The following DOP1B variants were observed in gnomAD, a reference collection of about 807,000 sequenced individuals.
The protein encoded by DOP1B is DOP1 leucine zipper like protein B.
DOP1B carries 174 observed loss-of-function variants against 233.5 expected under a neutral mutation model. The observed-to-expected ratio is 0.75, with a 90% CI of 0.66 to 0.85. The LOEUF is 0.85. Among genes scored for constraint, DOP1B ranks in the 40% least tolerant of loss-of-function variants. DOP1B has a pLI of 0.00. For synonymous variants in DOP1B, 1,190 were observed against 1,185.6 expected (o/e 1.00, Z -0.08); for missense variants, 2,652 against 2,846.6 (o/e 0.93, Z 1.56).
chr21:36,227,937 G>A lies in DOP1B; in HGVS notation c.1665+60G>A. The stretch of plus-strand genomic sequence containing the variant: ...GCTAAAAGCAGCTTATGCCTTCCTG[G>A]GAGTAGAAAGTCTTTAGGGTTGGTT... On this transcript the variant is annotated intron_variant, in intron 13 of 36. Transcript: ENST00000691173. The A allele has an allele frequency of 2.1e-6, 3 of 1,440,454 alleles. No individual in the cohort carries two copies. The South Asian group carries it at 4.3e-5, about 21-fold the overall frequency. The allele number at this position is 1,440,454 out of a possible 1,614,324, so 89.2% of individuals were successfully genotyped here.
At chr21:36,243,136 C>G (rs530083580) in intron 18 of DOP1B, among the ~76,000 whole-genome samples, 1 of 152,092 alleles carries the variant, frequency 6.6e-6, no homozygotes, top group African/African-American at 2.4e-5. Context: ...CGCGCCGCCA[C>G]GCCCAGCTAA....
At chr21:36,214,751 G>A (rs60505633) in intron 9 of DOP1B, among the ~76,000 whole-genome samples, 195 bp downstream of exon 9, 10,917 of 152,192 alleles carry the variant, frequency 0.072, 535 homozygotes, top group African/African-American at 0.13. Flanking sequence ...ATGGCTGGGC[G>A]CAGTGGCTCA....
chr21:36,246,319 G>T lies in DOP1B; in HGVS notation c.4339G>T (p.Val1447Leu). The change falls in exon 19 of 37, where the codon GTG (valine) becomes TTG (leucine). Residue 1447 changes from valine to leucine, a missense_variant. Transcript: ENST00000691173. The surrounding 1 kb of genome is among the most constrained non-coding windows in gnomAD (Gnocchi z 5.1). ...LQIELLKLLQ[V>L]LIVLEHHLGR... Reference sequence around the variant, plus strand: ...GATTGAGCTGCTGAAGCTGCTGCAGGTGCTGATTGTCTTGGAACACCACCT... The same window carrying T: ...GATTGAGCTGCTGAAGCTGCTGCAGTTGCTGATTGTCTTGGAACACCACCT... The T allele has an allele frequency of 1.2e-6, 2 of 1,613,912 alleles. No homozygotes were observed. Among genetic ancestry groups the T allele is most frequent in the Admixed American group, 3.3e-5 (2 of 60,004 alleles).
intron 18 of DOP1B, among the ~76,000 whole-genome samples, chr21:36,242,596 A>G (rs991193366): frequency 2.6e-5 from 4 of 152,108 alleles, no homozygotes; most frequent in African/African-American, 9.7e-5. Context: ...TACAGGCATG[A>G]GCTACTACGC....
intron 26 of DOP1B, among the ~76,000 whole-genome samples, chr21:36,268,128 A>G (rs1386807589): frequency 6.6e-6 from 1 of 152,144 alleles, no homozygotes; most frequent in Admixed American, 6.6e-5. Context: ...TCCCCACTCT[A>G]GTAAGCCTGA....
In DOP1B at chr21:36,245,523, G is replaced by A. The variant is rs529698758; in HGVS notation, c.3543G>A (p.Val1181=). 85 of 1,613,552 alleles carry A rather than the reference G, an allele frequency of 5.3e-5. 1 individual carries two copies. In the Admixed American group the frequency reaches 1.0e-3, roughly 19 times the overall value. ...GGGCCAAGTTAAGCCTGGTGCGGGT[G>A]GACTCGGACAAGACGCAGGCTTCTG... ...KAGAKLSLVR[V]DSDKTQASES... Residue 1181 remains valine, a synonymous_variant, in exon 19 of 37, where the codon GTG becomes GTA. Coordinates refer to ENST00000691173, the MANE Select transcript of DOP1B (RefSeq NM_001320714.2). This position sits in a 1 kb window ranked among gnomAD's most constrained non-coding sequence, Gnocchi z 5.5.
chr21:36,217,908 T>C (rs961891111), intron 9 of DOP1B, among the ~76,000 whole-genome samples: 1 of 152,238 alleles, frequency 6.6e-6, no homozygotes, highest in African/African-American at 2.4e-5. Flanking sequence ...GTCAAAGCCA[T>C]GCACCTTGGT....
At chr21:36,270,635 C>T (rs2067277980) in intron 27 of DOP1B, among the ~76,000 whole-genome samples, 1 of 143,490 alleles carries the variant, frequency 7.0e-6, no homozygotes, top group African/African-American at 2.6e-5. Flanking sequence ...ACTTTGAGGC[C>T]AGGCATGGTG....
At chr21:36,249,485 G>T (rs2067009057) in intron 21 of DOP1B, among the ~76,000 whole-genome samples, 1 of 152,136 alleles carries the variant, frequency 6.6e-6, no homozygotes, top group African/African-American at 2.4e-5. Flanking sequence ...ACCTCTAAAT[G>T]ATCTAGAGAC....
chr21:36,281,483 A>T lies in DOP1B; in HGVS notation c.6032A>T (p.Asn2011Ile), dbSNP rs760191495. The T allele has an allele frequency of 1.9e-6, 3 of 1,591,616 alleles. No individual in the cohort carries two copies. The East Asian group carries it at 6.8e-5, about 36-fold the overall frequency. The change falls in exon 32 of 37, where the codon AAC becomes ATC. Residue 2011 changes from asparagine to isoleucine, a missense_variant and splice_region_variant. Asn to Ile is a moderately radical substitution (Grantham distance 149, BLOSUM62 -3). Around this residue, in one of 3 missense-constraint regions of DOP1B, gnomAD observed 2,617 missense variants for 2,794.3 expected, o/e 0.94. Transcript: ENST00000691173. Reference protein sequence around the residue: ...HEKTMFKDLMNMQSSSLKLFS... With the variant: ...HEKTMFKDLMIMQSSSLKLFS... Reference sequence around the variant, plus strand: ...TAAAACATTGCTGTATTTATTCTAGACATGCAGAGCAGTTCTTTGAAACTA... The same window carrying T: ...TAAAACATTGCTGTATTTATTCTAGTCATGCAGAGCAGTTCTTTGAAACTA...
intron 2 of DOP1B, chr21:36,170,066 T>C (rs2065958343): frequency 2.9e-5 from 20 of 698,626 alleles, no homozygotes; most frequent in South Asian, 2.8e-4. Flanking sequence ...TTGACCAGCT[T>C]GGAAGGGTCA....
At position 36,263,810 on chromosome 21, in the gene DOP1B, T is replaced by A; in HGVS notation, c.5483T>A (p.Leu1828Gln). ...NLENKKDQKDLQEITQKILEA... is the reference protein window; with the variant it reads ...NLENKKDQKDQQEITQKILEA... ...GAAAACAAGAAGGACCAAAAAGACC[T>A]GCAGGTTTGTATATGAAAGAGGTTC... The change falls in exon 26 of 37, where the codon CTG (leucine) becomes CAG (glutamine). Residue 1828 changes from leucine (L) to glutamine (Q), a missense_variant. Coordinates refer to ENST00000691173, the MANE Select transcript of DOP1B (RefSeq NM_001320714.2). 1 of 1,614,212 alleles carries A rather than the reference T, an allele frequency of 6.2e-7. No individual in the cohort carries two copies. The highest frequency in any genetic ancestry group is 8.5e-7 in the Non-Finnish European group (1 of 1,180,040).
chr21:36,193,984 G>A (rs188079155), intron 2 of DOP1B, among the ~76,000 whole-genome samples: 28 of 152,240 alleles, frequency 1.8e-4, no homozygotes, highest in Non-Finnish European at 3.1e-4. Context: ...TTGTAACTTC[G>A]TGAGGTATCA....
At chr21:36,185,872 T>G (rs2066159789) in intron 2 of DOP1B, among the ~76,000 whole-genome samples, 2 of 152,204 alleles carry the variant, frequency 1.3e-5, no homozygotes, top group African/African-American at 4.8e-5. Context: ...TTACCCGCTG[T>G]GAGGCAGCGG....
intron 2 of DOP1B, among the ~76,000 whole-genome samples, chr21:36,190,306 A>T (rs2123451521): frequency 6.7e-6 from 1 of 149,572 alleles, no homozygotes; most frequent in East Asian, 2.1e-4. Flanking sequence ...GTGTTGGGGG[A>T]CAGAGTGAGA....
chr21:36,275,406 T>C (rs1217247585), intron 27 of DOP1B, among the ~76,000 whole-genome samples: 1 of 151,988 alleles, frequency 6.6e-6, no homozygotes, highest in East Asian at 1.9e-4. Context: ...GCTAGCAGTT[T>C]GCTTGAGCCC....
chr21:36,188,675 G>C (rs1040551404), intron 2 of DOP1B, among the ~76,000 whole-genome samples: 1 of 152,126 alleles, frequency 6.6e-6, no homozygotes, highest in African/African-American at 2.4e-5. Context: ...GTGTTTCACC[G>C]TGAAAAATGC....
chr21:36,286,631 A>G (rs1373474334), intron 32 of DOP1B, among the ~76,000 whole-genome samples: 1 of 109,400 alleles, frequency 9.1e-6, no homozygotes, highest in Non-Finnish European at 1.8e-5. Flanking sequence ...GTAAGACTCC[A>G]TCTCAAAAAC....
chr21:36,226,128 C>T (rs968609658), intron 12 of DOP1B, among the ~76,000 whole-genome samples: 1 of 152,146 alleles, frequency 6.6e-6, no homozygotes, highest in Non-Finnish European at 1.5e-5. Flanking sequence ...AATTGAAATA[C>T]CGAGCCTAGC....
Sources: gnomAD v4.1 joint callset for allele counts (sites outside exome capture counted in the v4.1 genomes callset) on GRCh38, gnomAD v4.1.1 for gene constraint, gnomAD v4.1.1 regional missense constraint, Gnocchi (gnomAD v3.1) non-coding constraint, MANE v1.5 for transcripts, NCBI Gene and HGNC (gene_info 2026-07-23, HGNC 2026-07-21) for gene names.